RHOU: variants seen among roughly 807,000 people sequenced by gnomAD.
RHOU encodes ras homolog family member U.
RHOU carries 8 observed loss-of-function variants against 12.6 expected under a neutral mutation model. That is an observed-to-expected ratio of 0.64 (90% CI 0.37 to 1.15). The LOEUF is 1.15. RHOU is among the 50% of genes most tolerant of loss of function. RHOU has a pLI of 0.01. For missense variants in RHOU, 258 were observed against 347.0 expected (o/e 0.74, Z 2.04); for synonymous variants, 161 against 147.4 (o/e 1.09, Z -0.67).
the RHOU span, among the ~76,000 whole-genome samples, chr1:228,724,837 G>A: frequency 3.3e-5 from 5 of 152,126 alleles, no homozygotes; most frequent in African/African-American, 1.2e-4. Context: ...GGTGTGGCAT[G>A]GGTGCTCTTT....
chr1:228,676,985 C>T, the RHOU span, among the ~76,000 whole-genome samples: 5 of 152,212 alleles, frequency 3.3e-5, no homozygotes, highest in South Asian at 2.1e-4. Flanking sequence ...GGCTCAGAGG[C>T]CTGACATTCC....
At chr1:228,681,269 C>T in the RHOU span, among the ~76,000 whole-genome samples, 1 of 152,104 alleles carries the variant, frequency 6.6e-6, no homozygotes, top group Non-Finnish European at 1.5e-5. Context: ...CAGAATGAAA[C>T]TGTAAACCAG....
chr1:228,716,907 C>T, the RHOU span, among the ~76,000 whole-genome samples: 1 of 152,178 alleles, frequency 6.6e-6, no homozygotes, highest in Non-Finnish European at 1.5e-5. Flanking sequence ...GAGAGCACTT[C>T]ATTTCCTATT....
chr1:228,698,030 GTTTTC>G, the RHOU span, among the ~76,000 whole-genome samples: 4 of 152,066 alleles, frequency 2.6e-5, no homozygotes, highest in African/African-American at 9.7e-5. Flanking sequence ...TGGGTGGTTT[GTTTTC>G]TTTTTTATTT....
the RHOU span, among the ~76,000 whole-genome samples, chr1:228,726,359 G>T: frequency 2.0e-5 from 3 of 152,004 alleles, no homozygotes; most frequent in African/African-American, 7.2e-5. Context: ...AAGGTTATAG[G>T]GTATGGTAAA....
the RHOU span, among the ~76,000 whole-genome samples, chr1:228,665,839 C>T: frequency 3.3e-5 from 5 of 152,190 alleles, no homozygotes; most frequent in Non-Finnish European, 7.3e-5. Flanking sequence ...ACCTTCTACC[C>T]TGGGAGAAAG....
the RHOU span, among the ~76,000 whole-genome samples, chr1:228,711,654 TA>T: frequency 6.6e-6 from 1 of 152,192 alleles, no homozygotes; most frequent in Admixed American, 6.5e-5. Context: ...ATACAAAAAT[TA>T]ATTCAAGATG....
the RHOU span, among the ~76,000 whole-genome samples, chr1:228,683,367 T>C: frequency 3.3e-5 from 5 of 152,222 alleles, no homozygotes; most frequent in African/African-American, 1.2e-4. Flanking sequence ...GAAGTTTATT[T>C]GGTGGTACTA....
chr1:228,677,745 A>G, the RHOU span, among the ~76,000 whole-genome samples: 3 of 152,198 alleles, frequency 2.0e-5, no homozygotes, highest in Non-Finnish European at 4.4e-5. Flanking sequence ...GTACCTTGCC[A>G]CTGAAGATCT....
Position 228,737,924 on chromosome 1 carries a change from C to T in RHOU, c.321+193C>T, listed in dbSNP as rs1044709839. On this transcript the variant is annotated intron_variant, in intron 2 of 2. Coordinates refer to ENST00000366691, the MANE Select transcript of RHOU (RefSeq NM_021205.6). The surrounding 1 kb of genome is among the most constrained non-coding windows in gnomAD (Gnocchi z 4.1). Reference sequence around the variant, plus strand: ...GGCCGGCAGGAAGCAGAGGAAGATACCTCCAAACTAATAAAGCAGGGTTTG... The same window carrying T: ...GGCCGGCAGGAAGCAGAGGAAGATATCTCCAAACTAATAAAGCAGGGTTTG... Among the ~76,000 whole-genome samples the T allele has an allele frequency of 6.6e-6, 1 of 152,156 alleles. No individual in the cohort carries two copies. Among genetic ancestry groups the T allele is most frequent in the Non-Finnish European group, 1.5e-5 (1 of 68,020 alleles).
At chr1:228,688,218 A>G in the RHOU span, among the ~76,000 whole-genome samples, 1 of 152,152 alleles carries the variant, frequency 6.6e-6, no homozygotes, top group Non-Finnish European at 1.5e-5. Context: ...CTAACCTGTT[A>G]CAGCTCTCCA....
chr1:228,669,649 T>C, the RHOU span, among the ~76,000 whole-genome samples: 361 of 152,342 alleles, frequency 2.4e-3, 7 homozygotes, highest in East Asian at 2.3e-3. Flanking sequence ...AATTTTAACT[T>C]AGATGTAGTC....
Position 228,738,483 on chromosome 1 carries a change from A to G in RHOU, c.321+752A>G, listed in dbSNP as rs890265882. On this transcript the variant is annotated intron_variant, in intron 2 of 2. Transcript: ENST00000366691. This position sits in a 1 kb window ranked among gnomAD's most constrained non-coding sequence, Gnocchi z 4.2. The stretch of plus-strand genomic sequence containing the variant: ...GATTTTGGCAAAGTGATAGTTAATG[A>G]ACTTGTCTCTCTAGTATGTTCTAGA... 1.3e-5 allele frequency among the ~76,000 whole-genome samples: 2 copies of G among 152,162 alleles called. No individual in the cohort carries two copies. Among genetic ancestry groups the G allele is most frequent in the African/African-American group, 4.8e-5 (2 of 41,422 alleles).
intron 1 of RHOU, among the ~76,000 whole-genome samples, chr1:228,736,259 C>CAAA (rs1662608698): frequency 5.5e-5 from 2 of 36,152 alleles, no homozygotes; most frequent in African/African-American, 1.5e-4. Flanking sequence ...CAGAGCCTTG[C>CAAA]CAAAAAAAAA....
At chr1:228,691,352 G>A in the RHOU span, among the ~76,000 whole-genome samples, 1 of 151,948 alleles carries the variant, frequency 6.6e-6, no homozygotes, top group Non-Finnish European at 1.5e-5. Flanking sequence ...CACCACTACG[G>A]TATCACACAG....
chr1:228,678,850 T>C, the RHOU span, among the ~76,000 whole-genome samples: 2 of 151,836 alleles, frequency 1.3e-5, no homozygotes, highest in East Asian at 1.9e-4. Flanking sequence ...ATTTTGAGGG[T>C]CTCTAAAAGT....
At chr1:228,700,088 G>A in the RHOU span, among the ~76,000 whole-genome samples, 3 of 152,142 alleles carry the variant, frequency 2.0e-5, no homozygotes, top group Admixed American at 2.0e-4. Flanking sequence ...TATAATGGAA[G>A]TTTTAAGGAC....
the RHOU span, among the ~76,000 whole-genome samples, chr1:228,655,819 T>C: frequency 6.6e-6 from 1 of 152,214 alleles, no homozygotes; most frequent in African/African-American, 2.4e-5. Flanking sequence ...AGTCACTGTG[T>C]TAAAACCTTG....
chr1:228,725,578 C>A, the RHOU span, among the ~76,000 whole-genome samples: 1 of 152,208 alleles, frequency 6.6e-6, no homozygotes. Context: ...TCCCCAGGGG[C>A]TGAGCACCGT....
Sources: allele counts gnomAD v4.1 joint callset (sites outside exome capture counted in the v4.1 genomes callset), GRCh38; gene constraint gnomAD v4.1.1; non-coding constraint Gnocchi (gnomAD v3.1); transcripts MANE v1.5; gene names NCBI Gene and HGNC (gene_info 2026-07-23, HGNC 2026-07-21).